The following ST3GAL6 variants were observed in gnomAD, a reference collection of about 807,000 sequenced individuals.
ST3GAL6 encodes ST3 beta-galactoside alpha-2,3-sialyltransferase 6.
In ST3GAL6, 31 loss-of-function variants were observed where a neutral mutation model predicts 40.5. The observed-to-expected ratio is 0.77, with a 90% CI of 0.58 to 1.03. ST3GAL6 has a LOEUF of 1.03. Ranked by LOEUF, ST3GAL6 falls within the 50% of genes least tolerant of loss-of-function variation. The probability of loss-of-function intolerance (pLI) is 0.00; values close to 1 mark genes in which losing one functional copy is unlikely to be tolerated. For missense variants in ST3GAL6, 357 were observed against 393.2 expected (o/e 0.91, Z 0.78); for synonymous variants, 129 against 136.9 (o/e 0.94, Z 0.40).
At position 98,794,772 on chromosome 3, in the gene ST3GAL6, G is replaced by A. The variant is rs1941473801; in HGVS notation, c.*1011G>A. Reference sequence around the variant, plus strand: ...AATAATTAGCTGGGCGTGGTGGTATGCGCTGTAGTCCCAGGTACTCGGGAG... The same window carrying A: ...AATAATTAGCTGGGCGTGGTGGTATACGCTGTAGTCCCAGGTACTCGGGAG... On this transcript the variant is annotated 3_prime_UTR_variant, in exon 10 of 10. Coordinates refer to ENST00000483910, the MANE Select transcript of ST3GAL6 (RefSeq NM_001323368.2). 1 of 152,222 alleles carries A rather than the reference G, an allele frequency of 6.6e-6. No homozygotes were observed. Among genetic ancestry groups the A allele is most frequent in the East Asian group, 1.9e-4 (1 of 5,184 alleles). 9.4% of individuals were successfully genotyped at this position (152,222 alleles called of 1,614,324 possible). A position where few individuals can be genotyped will look rare whatever the true frequency, so the allele number is the denominator to read the frequency against.
At chr3:98,764,886 C>G (rs1197755503) in intron 1 of ST3GAL6, among the ~76,000 whole-genome samples, 1 of 151,848 alleles carries the variant, frequency 6.6e-6, no homozygotes, top group Non-Finnish European at 1.5e-5. Context: ...TTACCACGTG[C>G]TAGGCATTTA....
chr3:98,735,584 C>T (rs996254057), intron 1 of ST3GAL6, among the ~76,000 whole-genome samples: 4 of 152,284 alleles, frequency 2.6e-5, no homozygotes, highest in Non-Finnish European at 4.4e-5. Flanking sequence ...TACATTTTCA[C>T]TGAAGCTCCT....
chr3:98,757,409 A>G (rs1399160971), intron 1 of ST3GAL6, among the ~76,000 whole-genome samples: 1 of 152,186 alleles, frequency 6.6e-6, no homozygotes, highest in Non-Finnish European at 1.5e-5. Context: ...GTCCTTAGCC[A>G]CTGGACTTGC....
upstream of ST3GAL6, among the ~76,000 whole-genome samples, chr3:98,761,609 C>CA (rs35800676): frequency 0.018 from 2,075 of 114,564 alleles, 60 homozygotes; most frequent in African/African-American, 0.064. Context: ...GACTCCATCT[C>CA]AAAAAAAAAA....
rs771108972 is a variant in ST3GAL6, at chr3:98,772,876, T to C, written c.231T>C (p.Gly77=). 1.2e-6 allele frequency: 2 copies of C among 1,613,092 alleles called. No homozygotes were observed. The highest frequency in any genetic ancestry group is 1.1e-5 in the South Asian group (1 of 91,030). ...TTAGAAAGATTGCTTCCTTGTATGG[T>C]AGCGATAAGTTTGATTTGCCCTATG... The part of the protein sequence containing the change: ...ADFRKIASLY[G]SDKFDLPYGM... Residue 77 remains glycine, a synonymous_variant, in exon 4 of 10, where the codon GGT becomes GGC. Transcript: ENST00000483910.
At chr3:98,732,781 G>C in intron 1 of ST3GAL6, 1 of 1,346,164 alleles carries the variant, frequency 7.4e-7, no homozygotes, top group Non-Finnish European at 9.8e-7. Flanking sequence ...CGCCAGATCC[G>C]CGGGGAAGGA....
intron 5 of ST3GAL6, among the ~76,000 whole-genome samples, chr3:98,783,344 T>C (rs1940366929): frequency 6.6e-6 from 1 of 152,130 alleles, no homozygotes; most frequent in Non-Finnish European, 1.5e-5. Context: ...CATTGAACCT[T>C]GAGTCCCTTG....
Position 98,773,926 on chromosome 3 carries a change from AT to A in ST3GAL6, c.282del (p.Arg95AspfsTer33). ...CACTCCATTTGTTTTCTAGCGGAAT[AT>A]TTTCGACTTGCTCTTTCAAAACTGC... ...LPYGMRTSAE[Y>X]FRLALSKLQS... On this transcript the variant is annotated frameshift_variant, in exon 5 of 10. Transcript: ENST00000483910. LOFTEE classifies it high-confidence loss of function. 1 of 1,613,030 alleles carries A rather than the reference AT, an allele frequency of 6.2e-7. No individual in the cohort carries two copies. The highest frequency in any genetic ancestry group is 8.5e-7 in the Non-Finnish European group (1 of 1,179,180).
chr3:98,784,234 G>A (rs1191095988), intron 5 of ST3GAL6, among the ~76,000 whole-genome samples: 1 of 152,212 alleles, frequency 6.6e-6, no homozygotes, highest in Non-Finnish European at 1.5e-5. Flanking sequence ...CCTGGGTGAG[G>A]GTAAGAGCTG....
chr3:98,793,306 T>G (rs1941363024), intron 9 of ST3GAL6, among the ~76,000 whole-genome samples: 1 of 152,244 alleles, frequency 6.6e-6, no homozygotes. Flanking sequence ...ATTATAATAG[T>G]TTATCTCCAG....
intron 1 of ST3GAL6, among the ~76,000 whole-genome samples, chr3:98,739,200 G>A (rs895377677): frequency 2.6e-5 from 4 of 152,110 alleles, no homozygotes; most frequent in Non-Finnish European, 5.9e-5. Context: ...CTAAAGCACT[G>A]CTAAGAGGGA....
At chr3:98,782,251 A>G (rs924472993) in intron 5 of ST3GAL6, 3 of 703,194 alleles carry the variant, frequency 4.3e-6, no homozygotes, top group Non-Finnish European at 7.8e-6. Flanking sequence ...GCTGGACAGC[A>G]AGGACTTCCA....
intron 3 of ST3GAL6, among the ~76,000 whole-genome samples, chr3:98,771,827 A>T (rs946373065): frequency 1.3e-5 from 2 of 152,192 alleles, no homozygotes; most frequent in Admixed American, 1.3e-4. Context: ...AAACTGGAAT[A>T]GTGTTTTAAA....
intron 4 of ST3GAL6, chr3:98,773,536 T>C (rs3772099): frequency 0.42 from 66,166 of 159,098 alleles, 14,002 homozygotes; most frequent in Non-Finnish European, 0.45. Flanking sequence ...CCTGTGAGGG[T>C]GGGGGTTGTA....
intron 5 of ST3GAL6, among the ~76,000 whole-genome samples, chr3:98,784,725 G>A (rs908829734): frequency 6.6e-6 from 1 of 152,238 alleles, no homozygotes; most frequent in African/African-American, 2.4e-5. Context: ...TGTATGGGCT[G>A]ATAATAGTTG....
chr3:98,774,630 G>A (rs1483010440), intron 5 of ST3GAL6, among the ~76,000 whole-genome samples: 1 of 152,212 alleles, frequency 6.6e-6, no homozygotes, highest in Non-Finnish European at 1.5e-5. Context: ...TGGCCAGGGT[G>A]CCAGTGTGAT....
At chr3:98,782,855 C>T in intron 5 of ST3GAL6, 1 of 479,088 alleles carries the variant, frequency 2.1e-6, no homozygotes, top group Admixed American at 2.6e-5. Flanking sequence ...CCTGATTTTG[C>T]AGGAAATCCT....
chr3:98,753,230 A>G (rs1937162192), intron 1 of ST3GAL6, among the ~76,000 whole-genome samples: 1 of 152,244 alleles, frequency 6.6e-6, no homozygotes, highest in Non-Finnish European at 1.5e-5. Flanking sequence ...TGGTCTGAAT[A>G]GAACATCAAA....
chr3:98,748,119 C>A (rs557184043), intron 1 of ST3GAL6, among the ~76,000 whole-genome samples: 219 of 152,254 alleles, frequency 1.4e-3, no homozygotes, highest in African/African-American at 5.0e-3. Context: ...GTTAGGCACA[C>A]CTAATATTTC....
Sources: gnomAD v4.1 joint callset for allele counts (sites outside exome capture counted in the v4.1 genomes callset) on GRCh38, gnomAD v4.1.1 for gene constraint, MANE v1.5 for transcripts, NCBI Gene and HGNC (gene_info 2026-07-23, HGNC 2026-07-21) for gene names.